LRTM3: variants seen among roughly 807,000 people sequenced by gnomAD.
LRTM3 encodes the protein leucine-rich repeat transmembrane protein 3.
chr13:102,756,498 C>A, the LRTM3 span, among the ~76,000 whole-genome samples: 7 of 150,992 alleles, frequency 4.6e-5, no homozygotes, highest in Non-Finnish European at 1.0e-4. Flanking sequence ...CATGGTGAAA[C>A]CGCATCTCTA....
chr13:102,755,833 A>AT, the LRTM3 span, among the ~76,000 whole-genome samples: 56 of 150,344 alleles, frequency 3.7e-4, 1 homozygote, highest in South Asian at 4.2e-4. Flanking sequence ...ATGGTTAAAA[A>AT]TAAAAAAATA....
chr13:102,732,028 G>A, the LRTM3 span: 9 of 1,551,174 alleles, frequency 5.8e-6, no homozygotes, highest in Admixed American at 2.0e-5. Context: ...CTTCTGATTT[G>A]ACATTAGGAA....
chr13:102,744,367 A>G, the LRTM3 span: 1 of 1,550,296 alleles, frequency 6.5e-7, no homozygotes, highest in Admixed American at 2.0e-5. Flanking sequence ...CAGTTTTCTC[A>G]GAAATAGAAC....
At chr13:102,731,350 C>A in the LRTM3 span, 15 of 1,551,188 alleles carry the variant, frequency 9.7e-6, no homozygotes, top group African/African-American at 1.8e-4. Flanking sequence ...TTGAAATAGT[C>A]CCTTTTGGAT....
the LRTM3 span, chr13:102,732,736 C>A: frequency 6.4e-7 from 1 of 1,551,276 alleles, no homozygotes; most frequent in Non-Finnish European, 8.7e-7. Context: ...CAGTCCTGGC[C>A]TTGTGCATCT....
chr13:102,740,063 G>A, the LRTM3 span: 1 of 1,550,088 alleles, frequency 6.5e-7, no homozygotes. Flanking sequence ...AGGCATGGAT[G>A]CAGAAAGAGA....
At chr13:102,731,339 T>C in the LRTM3 span, 3 of 1,551,402 alleles carry the variant, frequency 1.9e-6, no homozygotes, top group East Asian at 7.3e-5. Context: ...ACTGTTATCT[T>C]TTGAAATAGT....
At chr13:102,733,525 T>C in the LRTM3 span, 1 of 1,551,300 alleles carries the variant, frequency 6.4e-7, no homozygotes, top group Non-Finnish European at 8.7e-7. Flanking sequence ...TAGGACTGAT[T>C]TTATGGTTTA....
chr13:102,756,389 A>G, the LRTM3 span, among the ~76,000 whole-genome samples: 2 of 151,010 alleles, frequency 1.3e-5, no homozygotes, highest in Admixed American at 6.6e-5. Context: ...GTAGAACTAC[A>G]GGGCCAGGTG....
the LRTM3 span, chr13:102,742,360 A>C: frequency 6.5e-7 from 1 of 1,547,790 alleles, no homozygotes; most frequent in South Asian, 1.2e-5. Context: ...TTTTAGGAGA[A>C]ATAGATGTGT....
the LRTM3 span, chr13:102,731,866 G>C: frequency 6.5e-7 from 1 of 1,549,836 alleles, no homozygotes; most frequent in Non-Finnish European, 8.7e-7. Context: ...GACACTCTGT[G>C]GGTGTCAGAA....
the LRTM3 span, chr13:102,747,132 C>A: frequency 2.6e-6 from 4 of 1,550,630 alleles, no homozygotes; most frequent in African/African-American, 5.5e-5. Flanking sequence ...TTTTGGGATT[C>A]ATTTCCCTCA....
At chr13:102,729,700 A>T in the LRTM3 span, 1 of 1,551,966 alleles carries the variant, frequency 6.4e-7, no homozygotes, top group Non-Finnish European at 8.7e-7. Context: ...TATCGTCATG[A>T]TGAGGTTTTG....
the LRTM3 span, chr13:102,738,709 T>C: frequency 6.4e-7 from 1 of 1,550,734 alleles, no homozygotes; most frequent in Non-Finnish European, 8.7e-7. Context: ...AGGATCTCAT[T>C]TTTATTCTCA....
chr13:102,741,195 G>C, the LRTM3 span: 1 of 1,549,420 alleles, frequency 6.5e-7, no homozygotes, highest in South Asian at 1.2e-5. Flanking sequence ...TCCATTTTCT[G>C]TCTATTTGAT....
chr13:102,735,680 T>C, the LRTM3 span: 2 of 1,551,222 alleles, frequency 1.3e-6, no homozygotes, highest in Admixed American at 3.9e-5. Context: ...TGCTGTGGGT[T>C]GCACTGGTCC....
At chr13:102,742,629 C>T in the LRTM3 span, 1 of 1,550,556 alleles carries the variant, frequency 6.4e-7, no homozygotes, top group South Asian at 1.2e-5. Context: ...TGTTTCTGCT[C>T]CTTATTATTG....
At chr13:102,741,037 T>G in the LRTM3 span, 1 of 1,550,242 alleles carries the variant, frequency 6.5e-7, no homozygotes, top group Non-Finnish European at 8.7e-7. Context: ...TTAGAACTTT[T>G]GAACTCATGA....
chr13:102,745,625 C>T, the LRTM3 span: 1 of 1,550,998 alleles, frequency 6.4e-7, no homozygotes, highest in South Asian at 1.2e-5. Flanking sequence ...TTTTAAGTTT[C>T]TCGTCGTTTT....
Sources: gnomAD v4.1 joint callset for allele counts (sites outside exome capture counted in the v4.1 genomes callset) on GRCh38, gnomAD v4.1.1 for gene constraint, MANE v1.5 for transcripts, NCBI Gene and HGNC (gene_info 2026-07-23, HGNC 2026-07-21) for gene names.